GRIK4: variants seen among roughly 807,000 people sequenced by gnomAD.
The protein encoded by GRIK4 is glutamate receptor ionotropic, kainate 4.
A neutral mutation model predicts 104.9 loss-of-function variants in GRIK4; 40 were observed. The observed-to-expected ratio is 0.38, with a 90% CI of 0.30 to 0.50. The LOEUF is 0.50. Among genes scored for constraint, GRIK4 ranks in the 20% least tolerant of loss-of-function variants. GRIK4 has a pLI of 0.93. For missense variants in GRIK4, 1,047 were observed against 1,308.1 expected (o/e 0.80, Z 3.08); for synonymous variants, 485 against 524.9 (o/e 0.92, Z 1.04).
chr11:120,809,447 T>G (rs1952782948), intron 4 of GRIK4, among the ~76,000 whole-genome samples: 1 of 152,076 alleles, frequency 6.6e-6, no homozygotes, highest in Non-Finnish European at 1.5e-5. Context: ...ATGATTTCCA[T>G]CTCTACTGAG....
At chr11:120,621,640 T>C (rs1157973618) in intron 1 of GRIK4, among the ~76,000 whole-genome samples, 1 of 152,098 alleles carries the variant, frequency 6.6e-6, no homozygotes, top group Admixed American at 6.5e-5. Flanking sequence ...GACTGGGAGT[T>C]CCAAGATGGA....
chr11:120,787,800 A>T (rs1266830512), intron 3 of GRIK4, among the ~76,000 whole-genome samples: 7 of 150,732 alleles, frequency 4.6e-5, no homozygotes, highest in African/African-American at 1.5e-4. Flanking sequence ...TGGAAAATTT[A>T]AAATGACATA....
chr11:120,940,452 G>A lies in GRIK4; in HGVS notation c.1582G>A (p.Val528Ile), dbSNP rs2230298. ...TCTGGGAATTAGCATTCTTTACCGC[G>A]TTCATATGGTAAGAGACTTATTTTA... Reference protein sequence around the residue: ...MTLGISILYRVHMGRKPGYFS... With the variant: ...MTLGISILYRIHMGRKPGYFS... Residue 528 changes from valine to isoleucine, a missense_variant, in exon 14 of 21, where the codon GTT becomes ATT. Around this residue, in one of 3 missense-constraint regions of GRIK4, gnomAD observed 440 missense variants for 652.3 expected, o/e 0.67. Transcript: ENST00000527524. This position sits in a 1 kb window ranked among gnomAD's most constrained non-coding sequence, Gnocchi z 4.3. 5.0e-3 allele frequency: 7,837 copies of A among 1,570,232 alleles called. 326 individuals are homozygous for A. The African/African-American group carries it at 0.091, about 18-fold the overall frequency.
chr11:120,832,075 T>TC, intron 7 of GRIK4, 45 bp downstream of exon 7: 1 of 1,311,200 alleles, frequency 7.6e-7, no homozygotes, highest in Middle Eastern at 2.7e-4. Flanking sequence ...AGCTCCACCC[T>TC]CCCCCCTCCT....
At chr11:120,649,789 T>C (rs1340362975) in intron 1 of GRIK4, among the ~76,000 whole-genome samples, 2 of 152,242 alleles carry the variant, frequency 1.3e-5, no homozygotes, top group African/African-American at 4.8e-5. Flanking sequence ...GAGAGGGTTA[T>C]ATTTATCTGG....
intron 1 of GRIK4, among the ~76,000 whole-genome samples, chr11:120,592,322 G>C (rs930897678): frequency 1.3e-5 from 2 of 152,198 alleles, no homozygotes; most frequent in Non-Finnish European, 2.9e-5. Flanking sequence ...ACCTGCTAAC[G>C]TGTGTGTGCA....
At chr11:120,900,994 T>C (rs1942721331) in intron 12 of GRIK4, among the ~76,000 whole-genome samples, 1 of 152,176 alleles carries the variant, frequency 6.6e-6, no homozygotes, top group East Asian at 1.9e-4. Flanking sequence ...AAAAATCTTC[T>C]GGATCTGTCC....
intron 3 of GRIK4, among the ~76,000 whole-genome samples, chr11:120,672,807 A>G (rs1950042583): frequency 1.3e-5 from 2 of 152,220 alleles, no homozygotes; most frequent in African/African-American, 4.8e-5. Context: ...GTTGCTTATC[A>G]GCTTAAGGAG....
At chr11:120,702,201 G>A (rs1950564329) in intron 3 of GRIK4, among the ~76,000 whole-genome samples, 1 of 152,098 alleles carries the variant, frequency 6.6e-6, no homozygotes, top group Admixed American at 6.5e-5. Context: ...TGATCCGCAG[G>A]CCTCGGCCTC....
At chr11:120,620,250 G>A in intron 1 of GRIK4, 1 of 753,554 alleles carries the variant, frequency 1.3e-6, no homozygotes, top group Non-Finnish European at 2.5e-6. Context: ...CACCCTAATA[G>A]GTTTTCTCCT....
intron 3 of GRIK4, among the ~76,000 whole-genome samples, chr11:120,700,704 A>G (rs1452353518): frequency 2.6e-5 from 4 of 152,064 alleles, no homozygotes; most frequent in Admixed American, 1.3e-4. Context: ...TGATCCGCCC[A>G]CTTTGGCCTC....
chr11:120,764,537 G>A (rs561879598), intron 3 of GRIK4, among the ~76,000 whole-genome samples: 77 of 151,886 alleles, frequency 5.1e-4, no homozygotes, highest in African/African-American at 1.9e-3. Flanking sequence ...TCTTCATAGT[G>A]TTGATGGGCT....
intron 3 of GRIK4, among the ~76,000 whole-genome samples, chr11:120,794,692 C>T (rs1952477021): frequency 6.6e-6 from 1 of 152,118 alleles, no homozygotes; most frequent in South Asian, 2.1e-4. Context: ...AGACTTCCAG[C>T]CTCCAGAATT....
chr11:120,893,085 C>T lies in GRIK4; in HGVS notation c.1165-5447C>T, dbSNP rs74684717. The stretch of plus-strand genomic sequence containing the variant: ...ACTGTATCAAGGCACAGTGTAATAA[C>T]TGGCTTCGTAATGATAACACTGCAT... On this transcript the variant is annotated intron_variant, in intron 11 of 20. Coordinates refer to ENST00000527524, the MANE Select transcript of GRIK4 (RefSeq NM_014619.5). Among the ~76,000 whole-genome samples the T allele has an allele frequency of 4.6e-3, 701 of 152,338 alleles. 5 individuals carry two copies. The highest frequency in any genetic ancestry group is 0.016 in the African/African-American group (664 of 41,568).
At chr11:120,729,300 T>C (rs1407225785) in intron 3 of GRIK4, among the ~76,000 whole-genome samples, 3 of 152,204 alleles carry the variant, frequency 2.0e-5, no homozygotes, top group Non-Finnish European at 4.4e-5. Flanking sequence ...CTGGATTGTA[T>C]GGTAACTCTA....
chr11:120,541,956 G>GAAA (rs35965239), intron 1 of GRIK4, among the ~76,000 whole-genome samples: 2 of 150,204 alleles, frequency 1.3e-5, no homozygotes, highest in East Asian at 3.9e-4. Context: ...TACAGAAAGA[G>GAAA]AAAAAAAAAC....
At chr11:120,587,011 A>G (rs967249768) in intron 1 of GRIK4, among the ~76,000 whole-genome samples, 5 of 152,236 alleles carry the variant, frequency 3.3e-5, no homozygotes, top group Non-Finnish European at 7.3e-5. Flanking sequence ...ATTGCTTTGT[A>G]ATAACAGTAG....
chr11:120,964,515 C>T lies in GRIK4; in HGVS notation c.2266+1834C>T, dbSNP rs144702495. Among the ~76,000 whole-genome samples the T allele has an allele frequency of 1.4e-3, 215 of 152,242 alleles. 1 individual carries two copies. Among genetic ancestry groups the T allele is most frequent in the African/African-American group, 4.7e-3 (196 of 41,522 alleles). On this transcript the variant is annotated intron_variant, in intron 18 of 20. Transcript: ENST00000527524. ...TATGGACACCTTTGAGAGATATACTCGCTGACATTTTGTTTCAAGATGGTA... is the reference window on the plus strand; with the variant it reads ...TATGGACACCTTTGAGAGATATACTTGCTGACATTTTGTTTCAAGATGGTA...
At chr11:120,810,413 C>T (rs1952806383) in intron 4 of GRIK4, among the ~76,000 whole-genome samples, 1 of 152,148 alleles carries the variant, frequency 6.6e-6, no homozygotes. Context: ...TGCGCTGTCT[C>T]CTAAAGGCGG....
Sources: gnomAD v4.1 joint callset for allele counts (sites outside exome capture counted in the v4.1 genomes callset) on GRCh38, gnomAD v4.1.1 for gene constraint, gnomAD v4.1.1 regional missense constraint, Gnocchi (gnomAD v3.1) non-coding constraint, MANE v1.5 for transcripts, NCBI Gene and HGNC (gene_info 2026-07-23, HGNC 2026-07-21) for gene names.